The following MPPE1 variants were observed in gnomAD, a reference collection of about 807,000 sequenced individuals.
The protein encoded by MPPE1 is metallo phosphoesterase.
Under a neutral mutation model 43.8 loss-of-function variants are expected in MPPE1, and 28 were observed. That is an observed-to-expected ratio of 0.64 (90% confidence interval 0.47 to 0.88). MPPE1 has a LOEUF of 0.88. MPPE1 is among the 40% of genes least tolerant of loss of function. The pLI is 0.00. For missense variants in MPPE1, 428 were observed against 492.2 expected, an observed-to-expected ratio of 0.87 and a Z score of 1.23; for synonymous variants, 159 against 188.5, an observed-to-expected ratio of 0.84 and a Z score of 1.28.
chr18:11,905,979 G>A (rs1472790493), intron 2 of MPPE1: 1 of 152,144 alleles, frequency 6.6e-6, no homozygotes, highest in East Asian at 1.9e-4. Flanking sequence ...AAAAATCAGA[G>A]CCTAGTCCTC....
rs780741602 is a variant in MPPE1, at chr18:11,889,495, G to A, written c.391-5C>T. The stretch of plus-strand genomic sequence containing the variant: ...CTCCACATCATCCGCCCAGGCCTGA[G>A]GGAAAAAGAATCACTGCTGAGAGCC... On this transcript the variant is annotated splice_region_variant and splice_polypyrimidine_tract_variant and intron_variant, in intron 4 of 10. Transcript: ENST00000588072. 3 of 1,606,248 alleles carry A rather than the reference G, an allele frequency of 1.9e-6. No homozygotes were observed. The highest frequency in any genetic ancestry group is 2.2e-5 in the South Asian group (2 of 90,232).
At chr18:11,885,917 A>C in intron 9 of MPPE1, 101 bp from the exon 10 acceptor site, 4 of 1,171,128 alleles carry the variant, frequency 3.4e-6, no homozygotes, top group African/African-American at 1.5e-5. Context: ...TCTTTCCTTA[A>C]ATTACATACT....
chr18:11,885,745 C>T lies in MPPE1; in HGVS notation c.939G>A (p.Gly313=), dbSNP rs1440243801. The T allele has an allele frequency of 6.2e-7, 1 of 1,614,072 alleles. No individual in the cohort carries two copies. The highest frequency in any genetic ancestry group is 8.5e-7 in the Non-Finnish European group (1 of 1,179,950). Residue 313 remains glycine, a synonymous_variant, in exon 10 of 11, where the codon GGG becomes GGA. Coordinates refer to ENST00000588072, the MANE Select transcript of MPPE1 (RefSeq NM_023075.6). The part of the protein sequence containing the change: ...HTHSACEVHH[G]GRVPELSVPS... ...GGACGCTGAGCTCGGGGACTCGGCC[C>T]CCGTGGTGCACCTCGCAGGCGCTGT...
rs560819914 is a variant in MPPE1 at position 11,894,782 on chromosome 18, G to T, written c.282-1206C>A. Among the ~76,000 whole-genome samples the T allele has an allele frequency of 7.7e-4, 117 of 152,008 alleles. 1 individual carries two copies. The highest frequency in any genetic ancestry group is 2.6e-3 in the African/African-American group (106 of 41,446). ...ATTTTGTATATTTAGTAGAGACGGG[G>T]TTTCTCCATGTTGGTCAGGCTGGTC... On this transcript the variant is annotated intron_variant, in intron 3 of 10. Transcript: ENST00000588072.
intron 2 of MPPE1, among the ~76,000 whole-genome samples, chr18:11,900,480 T>C (rs1194075888): frequency 3.9e-5 from 6 of 152,024 alleles, no homozygotes; most frequent in African/African-American, 1.5e-4. Flanking sequence ...CACTCCAGAC[T>C]GGGTAACAAG....
At chr18:11,902,839 T>G (rs911636149) in intron 2 of MPPE1, 1 of 152,230 alleles carries the variant, frequency 6.6e-6, no homozygotes, top group African/African-American at 2.4e-5. Context: ...GATGCAAAAC[T>G]GCAGTCCTCC....
chr18:11,899,396 A>T (rs2144621507), intron 2 of MPPE1, among the ~76,000 whole-genome samples: 1 of 152,372 alleles, frequency 6.6e-6, no homozygotes, highest in African/African-American at 2.4e-5. Context: ...AATGTGCCTT[A>T]AAACTCTGGA....
In MPPE1 at chr18:11,883,472, T is replaced by G. The variant is rs2036770762; in HGVS notation, c.*973A>C. 1 of 153,516 alleles carries G rather than the reference T, an allele frequency of 6.5e-6. No homozygotes were observed. Among genetic ancestry groups the G allele is most frequent in the Admixed American group, 6.5e-5 (1 of 15,274 alleles). 9.5% of individuals were successfully genotyped at this position (153,516 alleles called of 1,614,324 possible). A position where few individuals can be genotyped will look rare whatever the true frequency, so the allele number is the denominator to read the frequency against. On this transcript the variant is annotated 3_prime_UTR_variant, in exon 11 of 11. Coordinates refer to ENST00000588072, the MANE Select transcript of MPPE1 (RefSeq NM_023075.6). Reference sequence around the variant, plus strand: ...AAGAAAAAAAACAAAAAGAATAACTTTTATCTGGCTTACAATTATTAAAGC... The same window carrying G: ...AAGAAAAAAAACAAAAAGAATAACTGTTATCTGGCTTACAATTATTAAAGC...
Position 11,886,862 on chromosome 18 carries a change from C to G in MPPE1, c.678+55G>C. 1 of 1,594,436 alleles carries G rather than the reference C, an allele frequency of 6.3e-7. No individual in the cohort carries two copies. The highest frequency in any genetic ancestry group is 2.2e-5 in the East Asian group (1 of 44,446). On this transcript the variant is annotated intron_variant, in intron 7 of 10. Coordinates refer to ENST00000588072, the MANE Select transcript of MPPE1 (RefSeq NM_023075.6). This position sits in a 1 kb window ranked among gnomAD's most constrained non-coding sequence, Gnocchi z 4.1. ...AGCGCTAGGGGGCTGAGTGAGCAACCGAAGCGGAGCAACACGGGACAGAAG... is the reference window on the plus strand; with the variant it reads ...AGCGCTAGGGGGCTGAGTGAGCAACGGAAGCGGAGCAACACGGGACAGAAG...
intron 6 of MPPE1, 91 bp downstream of exon 6, chr18:11,888,578 G>A: frequency 2.7e-6 from 2 of 749,346 alleles, no homozygotes; most frequent in Non-Finnish European, 4.5e-6. Flanking sequence ...CAGAACGCAG[G>A]TAGATGATAG....
At chr18:11,898,253 G>C (rs1265500822) in intron 2 of MPPE1, among the ~76,000 whole-genome samples, 4 of 151,756 alleles carry the variant, frequency 2.6e-5, no homozygotes, top group Non-Finnish European at 5.9e-5. Context: ...ATTTTTTTTA[G>C]CAGAGACGGT....
chr18:11,898,751 T>C (rs2038846325), intron 2 of MPPE1, among the ~76,000 whole-genome samples: 1 of 152,050 alleles, frequency 6.6e-6, no homozygotes, highest in Non-Finnish European at 1.5e-5. Flanking sequence ...CAAGGACTGT[T>C]TTCCACATCC....
At chr18:11,900,743 TA>T (rs567342345) in intron 2 of MPPE1, among the ~76,000 whole-genome samples, 1 of 151,098 alleles carries the variant, frequency 6.6e-6, no homozygotes, top group Non-Finnish European at 1.5e-5. Flanking sequence ...CCATCTCTAC[TA>T]AAAATACAAA....
At position 11,897,926 on chromosome 18, in the gene MPPE1, CA is replaced by C. The variant is rs548276861; in HGVS notation, c.-92-571del. On this transcript the variant is annotated intron_variant, in intron 2 of 10. Transcript: ENST00000588072. Reference sequence around the variant, plus strand: ...GGATCTGACAGTGAAACCACCTTTGCAAAATTATAACAGTAACAGAAATCTG... The same window carrying C: ...GGATCTGACAGTGAAACCACCTTTGCAAATTATAACAGTAACAGAAATCTG... Among the ~76,000 whole-genome samples, 14 of 152,194 alleles carry C rather than the reference CA, an allele frequency of 9.2e-5. No homozygotes were observed. The East Asian group carries it at 2.7e-3, about 29-fold the overall frequency.
intron 2 of MPPE1, among the ~76,000 whole-genome samples, chr18:11,900,175 C>T (rs1207000912): frequency 6.6e-6 from 1 of 152,122 alleles, no homozygotes; most frequent in Non-Finnish European, 1.5e-5. Flanking sequence ...GGCAAAACCC[C>T]ATCTCTACTA....
intron 2 of MPPE1, among the ~76,000 whole-genome samples, chr18:11,901,557 C>T (rs1207582320): frequency 6.6e-6 from 1 of 151,246 alleles, no homozygotes; most frequent in Admixed American, 6.6e-5. Flanking sequence ...AAGGGAACAG[C>T]TGGCCTGGCA....
At chr18:11,889,903 G>T (rs1253537301) in intron 4 of MPPE1, among the ~76,000 whole-genome samples, 1 of 150,532 alleles carries the variant, frequency 6.6e-6, no homozygotes, top group Non-Finnish European at 1.5e-5. Flanking sequence ...AGAAGTGAAT[G>T]AATTCCCCTG....
rs796735978 is a variant in MPPE1 at position 11,886,695 on chromosome 18, T to C, written c.744+18A>G. 1 of 1,613,802 alleles carries C rather than the reference T, an allele frequency of 6.2e-7. No individual in the cohort carries two copies. The highest frequency in any genetic ancestry group is 8.5e-7 in the Non-Finnish European group (1 of 1,180,004). ...GCTGCCTGCTGTCTGCCATGAGCCC[T>C]TTCCTCCCCCAGCTCACCTGCAGGA... On this transcript the variant is annotated intron_variant, in intron 8 of 10. Transcript: ENST00000588072. This position sits in a 1 kb window ranked among gnomAD's most constrained non-coding sequence, Gnocchi z 4.1.
Position 11,883,054 on chromosome 18 carries a change from CTTCT to C in MPPE1, c.*1387_*1390del, listed in dbSNP as rs745347055. 3.3e-5 allele frequency: 5 copies of C among 152,168 alleles called. No homozygotes were observed. The highest frequency in any genetic ancestry group is 4.8e-5 in the African/African-American group (2 of 41,454). The allele number at this position is 152,168 out of a possible 1,614,324, so 9.4% of individuals were successfully genotyped here. A position where few individuals can be genotyped will look rare whatever the true frequency, so the allele number is the denominator to read the frequency against. On this transcript the variant is annotated 3_prime_UTR_variant, in exon 11 of 11. Transcript: ENST00000588072. ...CAGCCTACATTACTTCATTATTACT[CTTCT>C]TTTAGTCTTTAGTCTTTAATATTTT...
Sources: gnomAD v4.1 joint callset for allele counts (sites outside exome capture counted in the v4.1 genomes callset) on GRCh38, gnomAD v4.1.1 for gene constraint, Gnocchi (gnomAD v3.1) non-coding constraint, MANE v1.5 for transcripts, NCBI Gene and HGNC (gene_info 2026-07-23, HGNC 2026-07-21) for gene names.